Variants in NAV3 observed in about 807,000 individuals in gnomAD.
NAV3 encodes the protein neuron navigator 3, also known as pore membrane and/or filament interacting like protein 1.
NAV3 carries 87 observed loss-of-function variants against 244.7 expected under a neutral mutation model. That is an observed-to-expected ratio of 0.36 (90% confidence interval 0.30 to 0.42). NAV3 has a LOEUF of 0.42. NAV3 is among the 20% of genes least tolerant of loss of function. The pLI, the probability that NAV3 is intolerant of heterozygous loss-of-function variation, is 1.00. For synonymous variants in NAV3, 1,126 were observed against 1,042.2 expected (o/e 1.08, Z -1.55); for missense variants, 2,663 against 2,893.3 (o/e 0.92, Z 1.83).
chr12:78,119,634 C>T lies in NAV3; in HGVS notation c.3438C>T (p.Thr1146=), dbSNP rs2138622866. 1 of 1,614,186 alleles carries T rather than the reference C, an allele frequency of 6.2e-7. No individual in the cohort carries two copies. Among genetic ancestry groups the T allele is most frequent in the South Asian group, 1.1e-5 (1 of 91,080 alleles). ...RSLPRPSKSS[T]SGIPGRGGHR... Reference sequence around the variant, plus strand: ...TGCCCCGCCCTTCAAAATCCAGCACCAGTGGCATTCCTGGCCGAGGAGGCC... The same window carrying T: ...TGCCCCGCCCTTCAAAATCCAGCACTAGTGGCATTCCTGGCCGAGGAGGCC... Residue 1146 remains threonine, a synonymous_variant, in exon 15 of 40, where the codon ACC becomes ACT. Transcript: ENST00000397909.
chr12:77,678,448 A>T (rs1203879733), intron 2 of NAV3, among the ~76,000 whole-genome samples: 1 of 152,190 alleles, frequency 6.6e-6, no homozygotes, highest in East Asian at 1.9e-4. Flanking sequence ...AATAGAATGT[A>T]TTAAGCATAA....
intron 22 of NAV3, among the ~76,000 whole-genome samples, chr12:78,154,279 A>AGATAATATATAGTATATATTACTG (rs1555182985): frequency 6.3e-5 from 7 of 111,082 alleles, no homozygotes; most frequent in African/African-American, 1.9e-4. Flanking sequence ...ATATATTACT[A>AGATAATATATAGTATATATTACTG]TATATACTAC....
At position 77,742,663 on chromosome 12, in the gene NAV3, G is replaced by A. The variant is rs561629967; in HGVS notation, c.72+170397G>A. ...TGCACACAAACACAAATTGTACATGGCACTATTGGGAGTCCAGAGAAAAAT... is the reference window on the plus strand; with the variant it reads ...TGCACACAAACACAAATTGTACATGACACTATTGGGAGTCCAGAGAAAAAT... On this transcript the variant is annotated intron_variant, in intron 2 of 8. Transcript: ENST00000550042. Among the ~76,000 whole-genome samples the A allele has an allele frequency of 1.1e-4, 17 of 152,000 alleles. No homozygotes were observed. In the South Asian group the frequency reaches 3.1e-3, roughly 28 times the overall value.
chr12:77,931,689 A>G (rs1226635847), intron 1 of NAV3, among the ~76,000 whole-genome samples: 1 of 151,762 alleles, frequency 6.6e-6, no homozygotes, highest in African/African-American at 2.4e-5. Flanking sequence ...ACACGATGAA[A>G]CCCTATCTCT....
chr12:77,656,443 C>A (rs1013316797), intron 2 of NAV3, among the ~76,000 whole-genome samples: 1 of 121,348 alleles, frequency 8.2e-6, no homozygotes, highest in African/African-American at 3.7e-5. Context: ...TACAGGAGCA[C>A]CCAGATTCAT....
At chr12:77,843,714 G>T (rs559112331) in intron 1 of NAV3, among the ~76,000 whole-genome samples, 18 of 152,094 alleles carry the variant, frequency 1.2e-4, no homozygotes, top group African/African-American at 4.3e-4. Flanking sequence ...ATTTAGAACA[G>T]GTTTGCCGTC....
intron 1 of NAV3, among the ~76,000 whole-genome samples, chr12:77,912,199 A>G (rs1294286364): frequency 1.3e-5 from 2 of 152,136 alleles, no homozygotes; most frequent in Non-Finnish European, 2.9e-5. Flanking sequence ...GGGTCTTTGC[A>G]GGTGTATTTA....
chr12:77,576,361 A>G (rs112074512), intron 2 of NAV3, among the ~76,000 whole-genome samples: 20 of 152,160 alleles, frequency 1.3e-4, no homozygotes, highest in Middle Eastern at 3.4e-3. Flanking sequence ...TGCTTCATCA[A>G]TGTCAATTCA....
At chr12:78,105,400 T>C (rs1954752336) in intron 12 of NAV3, among the ~76,000 whole-genome samples, 1 of 152,062 alleles carries the variant, frequency 6.6e-6, no homozygotes, top group East Asian at 1.9e-4. Flanking sequence ...CCTGTGAGAA[T>C]TAACTGAATT....
At chr12:77,873,754 ATATATATATATATGTATAT>A (rs1565878778) in intron 1 of NAV3, among the ~76,000 whole-genome samples, 9 of 110,610 alleles carry the variant, frequency 8.1e-5, no homozygotes, top group East Asian at 2.6e-4. Context: ...GTATATATAT[ATATATATATATATGTATAT>A]AACAGCATAT....
chr12:78,192,306 G>A (rs1029558078), intron 34 of NAV3, among the ~76,000 whole-genome samples: 5 of 151,970 alleles, frequency 3.3e-5, no homozygotes, highest in Admixed American at 6.6e-5. Context: ...AATGGGCAGG[G>A]GAAAAGCATT....
chr12:78,103,302 A>T (rs772991383), intron 12 of NAV3, among the ~76,000 whole-genome samples: 13 of 152,186 alleles, frequency 8.5e-5, no homozygotes, highest in Non-Finnish European at 1.9e-4. Flanking sequence ...ACATAACAAG[A>T]GTCGCCTTTG....
intron 5 of NAV3, among the ~76,000 whole-genome samples, chr12:77,977,219 A>G (rs934345596): frequency 1.3e-5 from 2 of 152,086 alleles, no homozygotes; most frequent in Admixed American, 1.3e-4. Context: ...CTTTCAGTGA[A>G]GTAGTTGCTA....
chr12:77,654,656 G>T (rs1357392201), intron 2 of NAV3, among the ~76,000 whole-genome samples: 1 of 152,074 alleles, frequency 6.6e-6, no homozygotes, highest in Non-Finnish European at 1.5e-5. Flanking sequence ...TGCCTCCTCA[G>T]GTGGGTCCCT....
intron 3 of NAV3, among the ~76,000 whole-genome samples, chr12:77,943,109 G>A (rs560298120): frequency 6.6e-6 from 1 of 152,262 alleles, no homozygotes; most frequent in African/African-American, 2.4e-5. Context: ...ATGGTTAATA[G>A]AGATGCTGTT....
intron 2 of NAV3, among the ~76,000 whole-genome samples, chr12:77,714,640 T>C (rs946251035): frequency 1.3e-5 from 2 of 152,208 alleles, no homozygotes; most frequent in Admixed American, 6.5e-5. Flanking sequence ...CTTCATACGA[T>C]TTACCTACAG....
intron 2 of NAV3, among the ~76,000 whole-genome samples, chr12:77,638,904 G>A (rs755085071): frequency 7.9e-5 from 12 of 152,252 alleles, no homozygotes; most frequent in Non-Finnish European, 1.3e-4. Flanking sequence ...TAAACATTCT[G>A]TAGGAAGGAT....
intron 38 of NAV3, among the ~76,000 whole-genome samples, chr12:78,202,113 AAAATAAAAGC>A (rs1432370869): frequency 1.3e-5 from 2 of 151,902 alleles, no homozygotes; most frequent in Non-Finnish European, 2.9e-5. Flanking sequence ...AGCCTCCAAT[AAAATAAAAGC>A]TTATACAGAT....
At chr12:77,710,587 T>C (rs1473158286) in intron 2 of NAV3, among the ~76,000 whole-genome samples, 1 of 152,174 alleles carries the variant, frequency 6.6e-6, no homozygotes, top group African/African-American at 2.4e-5. Context: ...TACTTAAAAG[T>C]GCTTAGAAAT....
Sources: gnomAD v4.1 joint callset for allele counts (sites outside exome capture counted in the v4.1 genomes callset) on GRCh38, gnomAD v4.1.1 for gene constraint, MANE v1.5 for transcripts, NCBI Gene and HGNC (gene_info 2026-07-23, HGNC 2026-07-21) for gene names.